The following DMD variants were observed in gnomAD, a reference collection of about 807,000 sequenced individuals.
DMD encodes the protein mutant dystrophin.
Under a neutral mutation model 330.1 loss-of-function variants are expected in DMD, and 63 were observed. The ratio of observed to expected loss-of-function variants is 0.19; its 90% CI spans 0.16 to 0.24. DMD has a LOEUF of 0.24. Ranked by LOEUF, DMD falls within the 10% of genes least tolerant of loss-of-function variation. DMD has a pLI of 1.00. For missense variants in DMD, 3,344 were observed against 2,684.1 expected (o/e 1.25, Z -5.43); for synonymous variants, 1,223 against 959.8 (o/e 1.27, Z -5.07).
chrX:32,557,418 G>A (rs900077290), intron 16 of DMD, among the ~76,000 whole-genome samples: 2 of 111,949 alleles, frequency 1.8e-5, no homozygotes, highest in Admixed American at 9.5e-5. Context: ...CTCTTGACAT[G>A]CTATATTGAA....
chrX:33,117,265 G>C (rs2095392140), intron 1 of DMD, among the ~76,000 whole-genome samples: 1 of 111,184 alleles, frequency 9.0e-6, no homozygotes, highest in East Asian at 2.8e-4. Flanking sequence ...TCAGTTATAA[G>C]ATGAGTAAGC....
At chrX:31,701,899 C>T (rs2083837979) in intron 52 of DMD, among the ~76,000 whole-genome samples, 1 of 112,621 alleles carries the variant, frequency 8.9e-6, no homozygotes, top group Non-Finnish European at 1.9e-5. Context: ...ATAGTCTATA[C>T]CCACTATTTC....
intron 60 of DMD, among the ~76,000 whole-genome samples, chrX:31,360,902 G>A (rs758302209): frequency 8.9e-6 from 1 of 111,995 alleles, no homozygotes; most frequent in African/African-American, 3.2e-5. Flanking sequence ...CGTGTAAAGC[G>A]TTTAACAGCA....
chrX:33,163,258 C>T (rs1004567833), intron 1 of DMD, among the ~76,000 whole-genome samples: 2 of 110,719 alleles, frequency 1.8e-5, no homozygotes, highest in African/African-American at 6.6e-5. Flanking sequence ...AAATACAGGC[C>T]GGGCACGATG....
intron 27 of DMD, among the ~76,000 whole-genome samples, chrX:32,441,606 TA>T (rs1028708562): frequency 9.0e-6 from 1 of 111,182 alleles, no homozygotes; most frequent in African/African-American, 3.3e-5. Flanking sequence ...AACAGAAAAA[TA>T]AAAGCATATG....
chrX:32,160,677 C>T (rs144398547), intron 44 of DMD, among the ~76,000 whole-genome samples: 27 of 111,107 alleles, frequency 2.4e-4, no homozygotes, highest in African/African-American at 7.2e-4. Flanking sequence ...TACTCAAAGT[C>T]CTTAGCACTA....
At chrX:31,677,253 T>G (rs1287380179) in intron 53 of DMD, among the ~76,000 whole-genome samples, 1 of 111,573 alleles carries the variant, frequency 9.0e-6, no homozygotes, top group African/African-American at 3.3e-5. Flanking sequence ...CTAAGAGCAA[T>G]TAAACCCTAA....
intron 45 of DMD, among the ~76,000 whole-genome samples, chrX:31,951,122 C>CATATATATATATATATATATAT (rs767693982): frequency 1.5e-5 from 1 of 65,373 alleles, no homozygotes; most frequent in Non-Finnish European, 2.8e-5. Flanking sequence ...TATATATATA[C>CATATATATATATATATATATAT]ATATATATAT....
chrX:31,286,951 A>G (rs2053259898), intron 62 of DMD, among the ~76,000 whole-genome samples: 1 of 112,109 alleles, frequency 8.9e-6, no homozygotes, highest in Admixed American at 9.4e-5. Context: ...TTTTTAGTAG[A>G]GACAGGTTTC....
intron 48 of DMD, among the ~76,000 whole-genome samples, chrX:31,861,736 TACACACACACACAC>T (rs753295784): frequency 3.1e-4 from 24 of 76,879 alleles, no homozygotes; most frequent in Non-Finnish European, 5.6e-4. Flanking sequence ...AAGAGTGCTA[TACACACACACACAC>T]ACACACACAC....
chrX:32,511,517 G>A (rs765810368), intron 18 of DMD, among the ~76,000 whole-genome samples: 1,538 of 62,732 alleles, frequency 0.025, 22 homozygotes, highest in Non-Finnish European at 0.033. Context: ...GCGAGGCTCC[G>A]TCTCGGGAAA....
At chrX:31,200,183 C>T (rs999333426) in intron 67 of DMD, among the ~76,000 whole-genome samples, 1 of 111,945 alleles carries the variant, frequency 8.9e-6, no homozygotes, top group Non-Finnish European at 1.9e-5. Flanking sequence ...TTTGCCAGCA[C>T]TTCAAACTAA....
intron 17 of DMD, among the ~76,000 whole-genome samples, chrX:32,521,809 A>G (rs1437427776): frequency 1.8e-5 from 2 of 112,131 alleles, no homozygotes; most frequent in Non-Finnish European, 3.8e-5. Flanking sequence ...TGTGCCCCAC[A>G]AAAGTTCGTA....
chrX:31,908,560 G>C (rs896627515), intron 47 of DMD, among the ~76,000 whole-genome samples: 2 of 106,120 alleles, frequency 1.9e-5, no homozygotes, highest in Non-Finnish European at 3.9e-5. Context: ...ACACACTGGG[G>C]CCTGTCGTGG....
chrX:32,190,269 T>A (rs2096967257), intron 44 of DMD, among the ~76,000 whole-genome samples: 1 of 110,104 alleles, frequency 9.1e-6, no homozygotes, highest in Non-Finnish European at 1.9e-5. Context: ...ACTTTGACGT[T>A]TACACATGCA....
intron 1 of DMD, among the ~76,000 whole-genome samples, chrX:33,296,554 T>C (rs1291631710): frequency 9.0e-6 from 1 of 110,823 alleles, no homozygotes; most frequent in Non-Finnish European, 1.9e-5. Flanking sequence ...TGGTACCAGA[T>C]GCTTTTATTT....
rs374102077 is a variant in DMD at position 32,472,175 on chromosome X, C to T, written c.2938G>A (p.Gly980Arg). The T allele has an allele frequency of 4.1e-6, 5 of 1,209,275 alleles. No homozygotes were observed. The highest frequency in any genetic ancestry group is 2.3e-4 in the Middle Eastern group (1 of 4,369). ...TDYEIMEQRL[G>R]ELQALQSSLQ... ...AAATATTCACAGACCTGCAATTCCC[C>T]GAGTCTCTGCTCCATGATTTCATAG... Residue 980 changes from glycine to arginine, a missense_variant, in exon 22 of 79, where the codon GGG (glycine) becomes AGG (arginine). Physicochemically the swap from Gly to Arg is moderately radical, Grantham distance 125. Coordinates refer to ENST00000357033, the MANE Select transcript of DMD (RefSeq NM_004006.3).
chrX:31,762,801 A>C, intron 51 of DMD, among the ~76,000 whole-genome samples: 1 of 112,131 alleles, frequency 8.9e-6, no homozygotes, highest in Middle Eastern at 4.6e-3. Context: ...AAACTGGAAA[A>C]AAAAAATCCT....
At chrX:31,557,546 C>T (rs2074918433) in intron 55 of DMD, among the ~76,000 whole-genome samples, 1 of 111,950 alleles carries the variant, frequency 8.9e-6, no homozygotes, top group African/African-American at 3.2e-5. Flanking sequence ...ACTCTAGGCT[C>T]TAGAGGCCAA....
Sources: gnomAD v4.1 joint callset for allele counts (sites outside exome capture counted in the v4.1 genomes callset) on GRCh38, gnomAD v4.1.1 for gene constraint, MANE v1.5 for transcripts, NCBI Gene and HGNC (gene_info 2026-07-23, HGNC 2026-07-21) for gene names.